DNAH11: variants seen among roughly 807,000 people sequenced by gnomAD.
DNAH11 encodes the protein dynein axonemal heavy chain 11.
Under a neutral mutation model 526.0 loss-of-function variants are expected in DNAH11, and 442 were observed. That is an observed-to-expected ratio of 0.84 (90% CI 0.78 to 0.91). DNAH11 has a LOEUF of 0.91. Ranked by LOEUF, DNAH11 falls within the 40% of genes least tolerant of loss-of-function variation. The probability of loss-of-function intolerance (pLI) is 0.00; values close to 1 mark genes in which losing one functional copy is unlikely to be tolerated. For synonymous variants in DNAH11, 2,461 were observed against 1,935.9 expected, an observed-to-expected ratio of 1.27 and a Z score of -7.12; for missense variants, 6,989 against 5,448.7, an observed-to-expected ratio of 1.28 and a Z score of -8.90.
intron 65 of DNAH11, among the ~76,000 whole-genome samples, chr7:21,839,732 A>G (rs966232086): frequency 6.6e-6 from 1 of 152,208 alleles, no homozygotes; most frequent in Non-Finnish European, 1.5e-5. Flanking sequence ...AAAGTGAATA[A>G]ATTCACCATT....
At chr7:21,867,204 A>C (rs1033823819) in intron 71 of DNAH11, among the ~76,000 whole-genome samples, 1 of 152,172 alleles carries the variant, frequency 6.6e-6, no homozygotes, top group Non-Finnish European at 1.5e-5. Flanking sequence ...CTTAATTCAC[A>C]CAAGTCTCAT....
At chr7:21,580,844 G>T (rs117278517) in intron 8 of DNAH11, among the ~76,000 whole-genome samples, 1 of 152,258 alleles carries the variant, frequency 6.6e-6, no homozygotes, top group East Asian at 1.9e-4. Flanking sequence ...ACTCTAGCAG[G>T]TATATTCCTT....
At chr7:21,635,086 A>G (rs1242789231) in intron 25 of DNAH11, among the ~76,000 whole-genome samples, 1 of 152,200 alleles carries the variant, frequency 6.6e-6, no homozygotes, top group Non-Finnish European at 1.5e-5. Flanking sequence ...GCTTAGCAGT[A>G]AACTGAAAAG....
chr7:21,814,701 AT>A (rs1439566282), intron 63 of DNAH11, among the ~76,000 whole-genome samples: 1 of 151,952 alleles, frequency 6.6e-6, no homozygotes, highest in Non-Finnish European at 1.5e-5. Context: ...GGTGATAGGA[AT>A]TTTTCGGCTC....
chr7:21,830,909 C>A (rs73073740), intron 65 of DNAH11, among the ~76,000 whole-genome samples: 2,779 of 152,260 alleles, frequency 0.018, 36 homozygotes, highest in Non-Finnish European at 0.028. Flanking sequence ...TCTGAGATTA[C>A]TTAAGCAGCT....
Position 21,901,459 on chromosome 7 carries a change from CA to C in DNAH11, c.*206del. On this transcript the variant is annotated 3_prime_UTR_variant, in exon 82 of 82. Transcript: ENST00000409508. ...GCGTGGTGGCACACGACTGTAATCC[CA>C]GTTACTCAGGAGGTAGGAGAATCAC... 1 of 595,948 alleles carries C rather than the reference CA, an allele frequency of 1.7e-6. No individual in the cohort carries two copies. Among genetic ancestry groups the C allele is most frequent in the African/African-American group, 1.9e-5 (1 of 52,506 alleles). The allele number at this position is 595,948 out of a possible 1,614,324, so 36.9% of individuals were successfully genotyped here. A position where few individuals can be genotyped will look rare whatever the true frequency, so the allele number is the denominator to read the frequency against.
intron 76 of DNAH11, among the ~76,000 whole-genome samples, chr7:21,885,004 G>C (rs191786992): frequency 4.0e-5 from 6 of 151,454 alleles, no homozygotes; most frequent in Admixed American, 1.3e-4. Flanking sequence ...ACCATTCCAC[G>C]ATGTACACGT....
intron 7 of DNAH11, 74 bp from the exon 8 acceptor site, chr7:21,571,732 G>A: frequency 8.7e-7 from 1 of 1,154,474 alleles, no homozygotes; most frequent in Non-Finnish European, 1.2e-6. Flanking sequence ...ATTTGAAAAT[G>A]TTCTTGATTT....
At chr7:21,559,064 C>T (rs762513241) in intron 3 of DNAH11, 66 bp downstream of exon 3, 10 of 1,372,034 alleles carry the variant, frequency 7.3e-6, no homozygotes, top group African/African-American at 1.5e-5. Flanking sequence ...GTGGCTCATG[C>T]CTATAATCCC....
At chr7:21,646,032 G>A (rs984937680) in intron 28 of DNAH11, among the ~76,000 whole-genome samples, 2 of 152,128 alleles carry the variant, frequency 1.3e-5, no homozygotes, top group African/African-American at 4.8e-5. Context: ...GGGAAAAGGT[G>A]TTGGCAATGC....
chr7:21,772,736 A>G (rs1583679171), intron 55 of DNAH11, among the ~76,000 whole-genome samples: 3 of 152,312 alleles, frequency 2.0e-5, no homozygotes, highest in South Asian at 2.1e-4. Context: ...ACAATGCAAT[A>G]TGTGGGTATT....
intron 63 of DNAH11, among the ~76,000 whole-genome samples, chr7:21,814,893 G>A (rs968105578): frequency 7.9e-5 from 12 of 152,200 alleles, no homozygotes; most frequent in African/African-American, 1.9e-4. Flanking sequence ...AAAAAATTCT[G>A]TATGTAGCTA....
At chr7:21,615,981 C>T (rs1035233639) in intron 21 of DNAH11, among the ~76,000 whole-genome samples, 9 of 152,116 alleles carry the variant, frequency 5.9e-5, no homozygotes, top group Non-Finnish European at 8.8e-5. Context: ...AATTTATCAT[C>T]GCTACTAGAA....
chr7:21,550,633 G>A (rs1032224091), intron 2 of DNAH11, among the ~76,000 whole-genome samples: 2 of 152,104 alleles, frequency 1.3e-5, no homozygotes, highest in South Asian at 2.1e-4. Context: ...AGAGGAAGGG[G>A]GATGCCAAGG....
In DNAH11 at chr7:21,873,330, C is replaced by T; in HGVS notation, c.12024C>T (p.Phe4008=). The T allele has an allele frequency of 6.2e-7, 1 of 1,611,086 alleles. No homozygotes were observed. The highest frequency in any genetic ancestry group is 2.2e-5 in the East Asian group (1 of 44,818). The change falls in exon 74 of 82, where the codon TTC becomes TTT. Residue 4008 remains phenylalanine (F), a synonymous_variant. Coordinates refer to ENST00000409508, the MANE Select transcript of DNAH11 (RefSeq NM_001277115.2). The stretch of plus-strand genomic sequence containing the variant: ...CCTTGGAGAAGCTCCTTGAAAGATT[C>T]AGCCAAGGAAGCCACAGAGATTACA... The part of the protein sequence containing the change: ...LGTLEKLLER[F]SQGSHRDYRV...
At chr7:21,548,806 T>G (rs190349742) in intron 2 of DNAH11, among the ~76,000 whole-genome samples, 8 of 152,076 alleles carry the variant, frequency 5.3e-5, no homozygotes, top group Admixed American at 2.0e-4. Flanking sequence ...GCAAGAGGAG[T>G]AGTTCATATT....
At chr7:21,863,199 C>T (rs996423024) in intron 69 of DNAH11, among the ~76,000 whole-genome samples, 2 of 151,924 alleles carry the variant, frequency 1.3e-5, no homozygotes, top group African/African-American at 4.8e-5. Flanking sequence ...TTTTTCTATC[C>T]AAATGTTAAG....
intron 29 of DNAH11, among the ~76,000 whole-genome samples, chr7:21,656,771 G>T (rs1308507241): frequency 6.6e-6 from 1 of 152,132 alleles, no homozygotes; most frequent in Admixed American, 6.5e-5. Flanking sequence ...TTTCACAAGG[G>T]TTTTCTTTAC....
intron 57 of DNAH11, among the ~76,000 whole-genome samples, chr7:21,783,916 A>G (rs952960891): frequency 6.6e-6 from 1 of 152,218 alleles, no homozygotes; most frequent in Admixed American, 6.5e-5. Context: ...CATGCGATCC[A>G]TGACCACAGA....
Sources: allele counts gnomAD v4.1 joint callset (sites outside exome capture counted in the v4.1 genomes callset), GRCh38; gene constraint gnomAD v4.1.1; transcripts MANE v1.5; gene names NCBI Gene and HGNC (gene_info 2026-07-23, HGNC 2026-07-21).